Variants in BMP6 observed in about 807,000 individuals in gnomAD.
The protein encoded by BMP6 is VG-1-R.
Under a neutral mutation model 54.1 loss-of-function variants are expected in BMP6, and 17 were observed. The observed-to-expected ratio is 0.31, with a 90% CI of 0.22 to 0.47. The LOEUF is 0.47. Among genes scored for constraint, BMP6 ranks in the 20% least tolerant of loss-of-function variants. The pLI is 1.00. For synonymous variants in BMP6, 328 were observed against 291.2 expected (o/e 1.13, Z -1.28); for missense variants, 720 against 690.4 (o/e 1.04, Z -0.48).
intron 1 of BMP6, among the ~76,000 whole-genome samples, chr6:7,785,278 AATT>A (rs1365480994): frequency 6.6e-5 from 10 of 152,208 alleles, no homozygotes. Context: ...AAGTGCAAGG[AATT>A]ATTGCTGTAA....
rs183118297 is a variant in BMP6, at chr6:7,805,128, C to T, written c.665-40012C>T. Among the ~76,000 whole-genome samples, 365 of 152,214 alleles carry T rather than the reference C, an allele frequency of 2.4e-3. 3 individuals are homozygous for T. The highest frequency in any genetic ancestry group is 8.4e-3 in the African/African-American group (348 of 41,552). ...TTCTTTGCCCATTTCAATGTTTTGT[C>T]CCTAGTCTACAGATTCTATTAGATC... On this transcript the variant is annotated intron_variant, in intron 1 of 6. Transcript: ENST00000283147.
At chr6:7,789,431 T>C (rs951742406) in intron 1 of BMP6, among the ~76,000 whole-genome samples, 1 of 152,204 alleles carries the variant, frequency 6.6e-6, no homozygotes, top group Admixed American at 6.5e-5. Flanking sequence ...TTTCCAAAGA[T>C]ACTGTGAAAA....
rs772974429 is a variant in BMP6 at position 7,727,559 on chromosome 6, A to G, written c.604A>G (p.Ser202Gly). ...SGSGGASPLT[S>G]AQDSAFLNDA... Reference sequence around the variant, plus strand: ...CAGCGGCGGCGCGTCCCCACTGACCAGCGCGCAGGACAGCGCCTTCCTCAA... The same window carrying G: ...CAGCGGCGGCGCGTCCCCACTGACCGGCGCGCAGGACAGCGCCTTCCTCAA... The change falls in exon 1 of 7, where the codon AGC becomes GGC. Residue 202 changes from serine to glycine, a missense_variant. This residue lies in a region of BMP6 where 650 missense variants were observed against 556.3 expected (regional missense o/e 1.17). Coordinates refer to ENST00000283147, the MANE Select transcript of BMP6 (RefSeq NM_001718.6). 3.3e-5 allele frequency: 53 copies of G among 1,592,964 alleles called. No homozygotes were observed. The highest frequency in any genetic ancestry group is 3.7e-5 in the Non-Finnish European group (44 of 1,177,128).
intron 4 of BMP6, among the ~76,000 whole-genome samples, chr6:7,870,338 A>G (rs974984608): frequency 5.9e-5 from 9 of 152,178 alleles, no homozygotes; most frequent in African/African-American, 1.9e-4. Flanking sequence ...GGACACTTCT[A>G]CCTGTTTCTC....
intron 4 of BMP6, among the ~76,000 whole-genome samples, chr6:7,862,879 T>G (rs1253678642): frequency 2.6e-5 from 4 of 152,170 alleles, no homozygotes; most frequent in African/African-American, 9.7e-5. Context: ...CTTGGTACAG[T>G]TGTGTAATAT....
At chr6:7,800,927 T>C (rs1419641523) in intron 1 of BMP6, among the ~76,000 whole-genome samples, 1 of 151,228 alleles carries the variant, frequency 6.6e-6, no homozygotes, top group Non-Finnish European at 1.5e-5. Context: ...GGGGCACATG[T>C]CCTTGACCTT....
At chr6:7,731,172 G>A (rs1464750029) in intron 1 of BMP6, among the ~76,000 whole-genome samples, 1 of 152,216 alleles carries the variant, frequency 6.6e-6, no homozygotes, top group African/African-American at 2.4e-5. Flanking sequence ...GGCTGCTGGT[G>A]TGCAGAGTGC....
At position 7,796,833 on chromosome 6, in the gene BMP6, G is replaced by T. The variant is rs1042123156; in HGVS notation, c.665-48307G>T. 7.2e-5 allele frequency among the ~76,000 whole-genome samples: 11 copies of T among 152,092 alleles called. No homozygotes were observed. In the South Asian group the frequency reaches 1.9e-3, roughly 26 times the overall value. On this transcript the variant is annotated intron_variant, in intron 1 of 6. Coordinates refer to ENST00000283147, the MANE Select transcript of BMP6 (RefSeq NM_001718.6). ...TATTCACCATTGAATCAAATCTTTA[G>T]ATTTCCAAATTAGTGAACTAATTCT... is the stretch of plus-strand genomic sequence containing the variant.
At chr6:7,769,002 C>T (rs1264148795) in intron 1 of BMP6, among the ~76,000 whole-genome samples, 2 of 152,166 alleles carry the variant, frequency 1.3e-5, no homozygotes, top group Non-Finnish European at 2.9e-5. Context: ...AGTCAACTTG[C>T]ATAACAGCTT....
intron 4 of BMP6, among the ~76,000 whole-genome samples, chr6:7,873,029 C>G (rs1759554540): frequency 6.6e-6 from 1 of 152,090 alleles, no homozygotes; most frequent in African/African-American, 2.4e-5. Flanking sequence ...TGATCTCAAA[C>G]TCATGGGTTC....
In BMP6 at chr6:7,726,954, G is replaced by A. The variant is rs1761736926; in HGVS notation, c.-2G>A. On this transcript the variant is annotated 5_prime_UTR_variant, in exon 1 of 7. Transcript: ENST00000283147. ...CCGCGGGGGCAGCCCGGCCGGGCGG[G>A]GATGCCGGGGCTGGGGCGGAGGGCG... 11 of 1,134,438 alleles carry A rather than the reference G, an allele frequency of 9.7e-6. No homozygotes were observed. The South Asian group carries it at 4.7e-4, about 48-fold the overall frequency. 70.3% of individuals were successfully genotyped at this position (1,134,438 alleles called of 1,614,324 possible).
chr6:7,740,411 C>T (rs542784408), intron 1 of BMP6, among the ~76,000 whole-genome samples: 4 of 152,006 alleles, frequency 2.6e-5, no homozygotes, highest in East Asian at 3.9e-4. Context: ...TTTGGGTCCA[C>T]GAAAATTCAT....
chr6:7,780,614 T>C (rs1026549097), intron 1 of BMP6, among the ~76,000 whole-genome samples: 1 of 151,662 alleles, frequency 6.6e-6, no homozygotes, highest in African/African-American at 2.4e-5. Flanking sequence ...TTAATATACA[T>C]TTTTTTTATA....
chr6:7,783,945 T>G (rs1235587577), intron 1 of BMP6, among the ~76,000 whole-genome samples: 3 of 152,220 alleles, frequency 2.0e-5, no homozygotes, highest in African/African-American at 4.8e-5. Flanking sequence ...GGATGAGCCC[T>G]ACAGAGTTTC....
chr6:7,739,498 ATACT>A (rs1762009829), intron 1 of BMP6, among the ~76,000 whole-genome samples: 1 of 152,184 alleles, frequency 6.6e-6, no homozygotes, highest in Non-Finnish European at 1.5e-5. Flanking sequence ...AGCAAGGCAA[ATACT>A]TACACTTTTA....
chr6:7,731,900 GTATT>G (rs1251278597), intron 1 of BMP6, among the ~76,000 whole-genome samples: 1 of 152,014 alleles, frequency 6.6e-6, no homozygotes, highest in African/African-American at 2.4e-5. Context: ...AATTCACGAG[GTATT>G]TATCTCCAAA....
intron 4 of BMP6, 147 bp downstream of exon 4, chr6:7,862,645 CA>C (rs1248785658): frequency 6.4e-6 from 7 of 1,090,700 alleles, no homozygotes; most frequent in Non-Finnish European, 9.2e-6. Context: ...GTACCTTGTA[CA>C]GTCGCAGAAC....
At chr6:7,759,056 T>C (rs1425928559) in intron 1 of BMP6, among the ~76,000 whole-genome samples, 1 of 152,194 alleles carries the variant, frequency 6.6e-6, no homozygotes, top group Non-Finnish European at 1.5e-5. Context: ...AGGACAGCCA[T>C]TGAATTATCT....
intron 2 of BMP6, 87 bp from the exon 3 acceptor site, chr6:7,861,364 T>C: frequency 6.6e-7 from 1 of 1,514,852 alleles, no homozygotes; most frequent in Admixed American, 1.8e-5. Context: ...GACTCGGGCA[T>C]GTTTTATCCT....
Sources: allele counts gnomAD v4.1 joint callset (sites outside exome capture counted in the v4.1 genomes callset), GRCh38; gene constraint gnomAD v4.1.1; regional missense constraint gnomAD v4.1.1; transcripts MANE v1.5; gene names NCBI Gene and HGNC (gene_info 2026-07-23, HGNC 2026-07-21).